Variants in H3C4 observed in about 807,000 individuals in gnomAD.
The protein encoded by H3C4 is histone H3.1.
A neutral mutation model predicts 8.7 loss-of-function variants in H3C4; 10 were observed. The observed-to-expected ratio is 1.15, with a 90% confidence interval of 0.71 to 1.96. H3C4 has a LOEUF of 1.96. Ranked by LOEUF, H3C4 falls within the 30% of genes most tolerant of loss-of-function variation. The probability of loss-of-function intolerance (pLI) is 0.00; values close to 1 mark genes in which losing one functional copy is unlikely to be tolerated. For missense variants in H3C4, 216 were observed against 192.9 expected (o/e 1.12, Z -0.71); for synonymous variants, 141 against 80.1 (o/e 1.76, Z -4.06).
upstream of H3C4, among the ~76,000 whole-genome samples, chr6:26,198,406 A>T (rs1765032010): frequency 6.6e-6 from 1 of 152,134 alleles, no homozygotes; most frequent in African/African-American, 2.4e-5. Flanking sequence ...ATCTCGACTC[A>T]CTGCAACCTC....
upstream of H3C4, among the ~76,000 whole-genome samples, chr6:26,198,271 C>T (rs1040379788): frequency 1.5e-5 from 2 of 132,754 alleles, no homozygotes; most frequent in African/African-American, 7.8e-5. Context: ...CGAGCCGCTG[C>T]ATTGATCGAT....
chr6:26,198,018 T>C (rs1048131387), upstream of H3C4, among the ~76,000 whole-genome samples: 5 of 149,526 alleles, frequency 3.3e-5, no homozygotes, highest in African/African-American at 1.2e-4. Context: ...TTTGTATTCC[T>C]ATTGATAATT....
upstream of H3C4, chr6:26,198,834 A>T: frequency 6.2e-7 from 1 of 1,610,466 alleles, no homozygotes; most frequent in African/African-American, 1.3e-5. Context: ...TAAAAAGCCA[A>T]TATAAGAGTT....
chr6:26,197,881 T>TAAAAAAA (rs79006416), upstream of H3C4, among the ~76,000 whole-genome samples: 22 of 105,196 alleles, frequency 2.1e-4, no homozygotes, highest in Non-Finnish European at 3.7e-4. Flanking sequence ...TAATCTGCTG[T>TAAAAAAA]AAAAAAAAAA....
chr6:26,198,743 A>G, upstream of H3C4: 1 of 1,091,372 alleles, frequency 9.2e-7, no homozygotes, highest in Non-Finnish European at 1.3e-6. Context: ...ACTGCAAAAT[A>G]GCTATTTACA....
Position 26,197,074 on chromosome 6 carries a change from G to A in H3C4, c.177C>T (p.Thr59=), listed in dbSNP as rs963931164. 4.3e-6 allele frequency: 7 copies of A among 1,614,076 alleles called. No homozygotes were observed. In the East Asian group the frequency reaches 1.6e-4, roughly 36 times the overall value. ...LREIRRYQKS[T]ELLIRKLPFQ... ...ATGGCAGTTTGCGAATCAGCAGCTC[G>A]GTCGACTTCTGGTAGCGGCGGATCT... Residue 59 remains threonine (T), a synonymous_variant, in exon 1 of 1, where the codon ACC becomes ACT. Coordinates refer to ENST00000356476, the MANE Select transcript of H3C4 (RefSeq NM_001376937.1).
At chr6:26,198,401 G>A (rs1042581007), upstream of H3C4, among the ~76,000 whole-genome samples, 9 of 152,144 alleles carry the variant, frequency 5.9e-5, no homozygotes, top group Non-Finnish European at 1.2e-4. Flanking sequence ...GCGCGATCTC[G>A]ACTCACTGCA....
Position 26,197,279 on chromosome 6 carries a change from G to T in H3C4, c.-29C>A, listed in dbSNP as rs1010442536. 5 of 1,586,604 alleles carry T rather than the reference G, an allele frequency of 3.2e-6. No homozygotes were observed. The highest frequency in any genetic ancestry group is 2.0e-5 in the Admixed American group (1 of 50,156). ...GAACTTCTAAACCCTGCTAAATGAC[G>T]AAAAAACGAAAGTCTAGCCTTTCGT... On this transcript the variant is annotated 5_prime_UTR_variant, in exon 1 of 1. Coordinates refer to ENST00000356476, the MANE Select transcript of H3C4 (RefSeq NM_001376937.1).
upstream of H3C4, chr6:26,198,711 A>G (rs952754003): frequency 2.5e-6 from 2 of 790,674 alleles, no homozygotes; most frequent in African/African-American, 3.5e-5. Flanking sequence ...CCCACTTATA[A>G]ATGGAAAAAT....
upstream of H3C4, chr6:26,199,118 C>T: frequency 6.2e-7 from 1 of 1,614,214 alleles, no homozygotes; most frequent in East Asian, 2.2e-5. Flanking sequence ...CCCCGACTCG[C>T]TCGGAGTAGT....
chr6:26,198,557 C>T (rs1040419236), upstream of H3C4, among the ~76,000 whole-genome samples: 2 of 152,220 alleles, frequency 1.3e-5, no homozygotes, highest in African/African-American at 2.4e-5. Context: ...TGTCCTGGAA[C>T]TCCTGACCCT....
chr6:26,197,557 C>CTT (rs1765004389), upstream of H3C4, among the ~76,000 whole-genome samples: 1 of 151,940 alleles, frequency 6.6e-6, no homozygotes, highest in South Asian at 2.1e-4. Flanking sequence ...GATGACGTGT[C>CTT]TTAATTTTTT....
chr6:26,198,881 A>T, upstream of H3C4: 1 of 1,614,056 alleles, frequency 6.2e-7, no homozygotes, highest in African/African-American at 1.3e-5. Flanking sequence ...GGTGACTCTC[A>T]GTCTTCTTGG....
Position 26,196,813 on chromosome 6 carries a change from T to C in H3C4, c.*27A>G, listed in dbSNP as rs1392358039. Reference sequence around the variant, plus strand: ...TGGCTCTGAAAAGAGCCTTTGGGTTTTGGTTAGCACACATTCACAAGACAA... The same window carrying C: ...TGGCTCTGAAAAGAGCCTTTGGGTTCTGGTTAGCACACATTCACAAGACAA... On this transcript the variant is annotated 3_prime_UTR_variant, in exon 1 of 1. Coordinates refer to ENST00000356476, the MANE Select transcript of H3C4 (RefSeq NM_001376937.1). The C allele has an allele frequency of 1.2e-6, 2 of 1,612,160 alleles. No individual in the cohort carries two copies. The highest frequency in any genetic ancestry group is 8.5e-7 in the Non-Finnish European group (1 of 1,179,382).
Position 26,197,053 on chromosome 6 carries a change from C to G in H3C4, c.198G>C (p.Leu66=). 1.2e-6 allele frequency: 2 copies of G among 1,614,240 alleles called. No homozygotes were observed. The highest frequency in any genetic ancestry group is 1.1e-5 in the South Asian group (1 of 91,092). ...TCTCACGGACTAGACGCTGGAATGGCAGTTTGCGAATCAGCAGCTCGGTCG... is the reference window on the plus strand; with the variant it reads ...TCTCACGGACTAGACGCTGGAATGGGAGTTTGCGAATCAGCAGCTCGGTCG... ...QKSTELLIRK[L]PFQRLVREIA... The change falls in exon 1 of 1, where the codon CTG becomes CTC. Residue 66 remains leucine, a synonymous_variant. Transcript: ENST00000356476.
At chr6:26,198,745 C>A, upstream of H3C4, 1 of 1,118,868 alleles carries the variant, frequency 8.9e-7, no homozygotes, top group South Asian at 1.5e-5. Context: ...TGCAAAATAG[C>A]TATTTACACA....
chr6:26,198,299 T>A (rs754507626), upstream of H3C4, among the ~76,000 whole-genome samples: 1 of 152,118 alleles, frequency 6.6e-6, no homozygotes. Flanking sequence ...ACATGTGACA[T>A]AAAGTCTCTT....
Position 26,196,973 on chromosome 6 carries a change from A to AGC in H3C4, c.276_277dup (p.Leu93ArgfsTer27). The AGC allele has an allele frequency of 6.2e-7, 1 of 1,614,242 alleles. No homozygotes were observed. The highest frequency in any genetic ancestry group is 8.5e-7 in the Non-Finnish European group (1 of 1,180,038). ...CAGGTAGGCCTCGCAGGCCTCCTGC[A>AGC]GCGCCATCACCGCCGAGCTCTGAAA... On this transcript the variant is annotated frameshift_variant, in exon 1 of 1. Transcript: ENST00000356476. LOFTEE classifies it high-confidence loss of function.
At chr6:26,197,309 GTATA>G, upstream of H3C4, 2 of 1,560,590 alleles carry the variant, frequency 1.3e-6, no homozygotes, top group Non-Finnish European at 8.7e-7. Flanking sequence ...TTTCGTACCC[GTATA>G]TATAAAGACA....
Sources: allele counts gnomAD v4.1 joint callset (sites outside exome capture counted in the v4.1 genomes callset), GRCh38; gene constraint gnomAD v4.1.1; transcripts MANE v1.5; gene names NCBI Gene and HGNC (gene_info 2026-07-23, HGNC 2026-07-21).